UGT1A3: variants seen among roughly 807,000 people sequenced by gnomAD.
UGT1A3 encodes the protein UDP-glucuronosyltransferase 1A3.
UGT1A3 carries 31 observed loss-of-function variants against 41.0 expected under a neutral mutation model. The ratio of observed to expected loss-of-function variants is 0.76; its 90% confidence interval spans 0.57 to 1.02. UGT1A3 has a LOEUF of 1.02. Among genes scored for constraint, UGT1A3 ranks in the 50% least tolerant of loss-of-function variants. UGT1A3 has a pLI of 0.00. For synonymous variants in UGT1A3, 262 were observed against 257.6 expected (o/e 1.02, Z -0.17); for missense variants, 737 against 671.0 (o/e 1.10, Z -1.09).
chr2:233,747,565 A>G, intron 1 of UGT1A3: 1 of 1,593,778 alleles, frequency 6.3e-7, no homozygotes, highest in Non-Finnish European at 8.6e-7. Flanking sequence ...GCAATTTTGA[A>G]AAATTCATCT....
intron 1 of UGT1A3, among the ~76,000 whole-genome samples, chr2:233,742,284 C>G (rs1006206335): frequency 6.6e-6 from 1 of 151,974 alleles, no homozygotes. Context: ...AGCATCATTT[C>G]TATAGATTAT....
intron 4 of UGT1A3, among the ~76,000 whole-genome samples, 167 bp from the exon 5 acceptor site, chr2:233,772,095 A>T (rs35172078): frequency 0.012 from 1,767 of 152,322 alleles, 16 homozygotes; most frequent in Middle Eastern, 0.031. Context: ...CCCGGGCAAC[A>T]GGGCAAGACT....
Position 233,772,356 on chromosome 2 carries a change from A to G in UGT1A3, c.1402A>G (p.Arg468Gly). Reference protein sequence around the residue: ...LAVFWVEFVMRHKGAPHLRPA... With the variant: ...LAVFWVEFVMGHKGAPHLRPA... ...CGTGTTCTGGGTGGAGTTTGTGATG[A>G]GGCACAAGGGCGCGCCACACCTGCG... The change falls in exon 5 of 5, where the codon AGG (arginine) becomes GGG (glycine). Residue 468 changes from arginine to glycine, a missense_variant. Transcript: ENST00000482026. 6.2e-7 allele frequency: 1 copy of G among 1,614,222 alleles called. No individual in the cohort carries two copies. The highest frequency in any genetic ancestry group is 1.6e-4 in the Middle Eastern group (1 of 6,062).
At chr2:233,757,625 G>T (rs550855781) in intron 1 of UGT1A3, among the ~76,000 whole-genome samples, 1 of 148,046 alleles carries the variant, frequency 6.8e-6, no homozygotes, top group East Asian at 2.0e-4. Context: ...AAAGATACAA[G>T]GCAGAACAGA....
At chr2:233,747,816 T>A in intron 1 of UGT1A3, 1 of 1,613,472 alleles carries the variant, frequency 6.2e-7, no homozygotes, top group Non-Finnish European at 8.5e-7. Flanking sequence ...AACGACCAAT[T>A]CAGACCACAT....
At chr2:233,742,781 C>A (rs550270409) in intron 1 of UGT1A3, 1 of 153,010 alleles carries the variant, frequency 6.5e-6, no homozygotes, top group African/African-American at 2.4e-5. Context: ...TTGTTTTGAA[C>A]CATCATTAAA....
Position 233,746,417 on chromosome 2 carries a change from CT to C in UGT1A3, c.867+16425del, listed in dbSNP as rs747591279. 3.3e-5 allele frequency among the ~76,000 whole-genome samples: 5 copies of C among 151,706 alleles called. No homozygotes were observed. The South Asian group carries it at 1.0e-3, about 32-fold the overall frequency. ...AGCTGGGAGTGTGTCCAATGGTGAC[CT>C]ATTAACTTATGTCTTCAGCTTAAAA... On this transcript the variant is annotated intron_variant, in intron 1 of 4. Transcript: ENST00000482026.
At chr2:233,761,914 T>C (rs28900396) in intron 1 of UGT1A3, among the ~76,000 whole-genome samples, 9,111 of 152,302 alleles carry the variant, frequency 0.06, 854 homozygotes, top group African/African-American at 0.21. Flanking sequence ...GAGGATCTAC[T>C]GGCAGCCCAG....
intron 1 of UGT1A3, chr2:233,761,180 C>A (rs374898247): frequency 6.2e-7 from 1 of 1,614,128 alleles, no homozygotes; most frequent in East Asian, 2.2e-5. Context: ...CTTTTACATG[C>A]GTATATTCTT....
chr2:233,747,127 T>C, intron 1 of UGT1A3: 1 of 1,513,692 alleles, frequency 6.6e-7, no homozygotes, highest in South Asian at 1.2e-5. Context: ...GCTAAGTGGC[T>C]CAGTGACAAG....
At chr2:233,747,897 G>T in intron 1 of UGT1A3, 2 of 1,613,482 alleles carry the variant, frequency 1.2e-6, no homozygotes, top group Non-Finnish European at 1.7e-6. Flanking sequence ...TGCTCTTTCT[G>T]CTCCTTATGC....
In UGT1A3 at chr2:233,729,944, T is replaced by C; in HGVS notation, c.818T>C (p.Met273Thr). Residue 273 changes from methionine to threonine, a missense_variant, in exon 1 of 5, where the codon ATG becomes ACG. Coordinates refer to ENST00000482026, the MANE Select transcript of UGT1A3 (RefSeq NM_019093.4). The part of the protein sequence containing the change: ...MDYPRPIMPN[M>T]VFIGGINCAN... ...TACCCCAGGCCAATCATGCCCAACA[T>C]GGTCTTCATTGGGGGCATCAACTGT... 6 of 1,614,066 alleles carry C rather than the reference T, an allele frequency of 3.7e-6. No individual in the cohort carries two copies. Among genetic ancestry groups the C allele is most frequent in the Non-Finnish European group, 5.1e-6 (6 of 1,179,938 alleles).
intron 1 of UGT1A3, among the ~76,000 whole-genome samples, chr2:233,740,381 G>T (rs771907288): frequency 6.6e-6 from 1 of 151,918 alleles, no homozygotes; most frequent in Non-Finnish European, 1.5e-5. Flanking sequence ...GTAAGTTGTT[G>T]TGTGAATTAT....
In UGT1A3 at chr2:233,747,728, T is replaced by C. The variant is rs1488461574; in HGVS notation, c.867+17735T>C. 2.5e-6 allele frequency: 4 copies of C among 1,613,386 alleles called. No homozygotes were observed. In the African/African-American group the frequency reaches 4.0e-5, roughly 16 times the overall value. Reference sequence around the variant, plus strand: ...ACCTATCAATTCCTGCTGTGTTTTTTTTGAGGAACATTCCATGTGATTTAG... The same window carrying C: ...ACCTATCAATTCCTGCTGTGTTTTTCTTGAGGAACATTCCATGTGATTTAG... On this transcript the variant is annotated intron_variant, in intron 1 of 4. Coordinates refer to ENST00000482026, the MANE Select transcript of UGT1A3 (RefSeq NM_019093.4).
At chr2:233,732,692 C>T (rs1425902853) in intron 1 of UGT1A3, among the ~76,000 whole-genome samples, 1 of 150,324 alleles carries the variant, frequency 6.7e-6, no homozygotes, top group Non-Finnish European at 1.5e-5. Context: ...AGCACCCATG[C>T]TGTTTTGTTA....
intron 1 of UGT1A3, among the ~76,000 whole-genome samples, chr2:233,738,200 C>A (rs1199969775): frequency 6.6e-6 from 1 of 152,170 alleles, no homozygotes; most frequent in Non-Finnish European, 1.5e-5. Context: ...CTCTCTCTCA[C>A]TTTCTGCCAG....
intron 2 of UGT1A3, 116 bp downstream of exon 2, chr2:233,767,281 C>T: frequency 6.4e-7 from 1 of 1,571,624 alleles, no homozygotes; most frequent in Non-Finnish European, 8.6e-7. Flanking sequence ...TTTTCCCTGC[C>T]ACTTCCCAAC....
At chr2:233,755,363 G>T (rs907026349) in intron 1 of UGT1A3, 4 of 363,278 alleles carry the variant, frequency 1.1e-5, no homozygotes. Flanking sequence ...GACCTGGGCC[G>T]CCTGGAGGGC....
intron 1 of UGT1A3, among the ~76,000 whole-genome samples, chr2:233,744,422 T>C (rs2125863019): frequency 6.6e-6 from 1 of 151,974 alleles, no homozygotes; most frequent in Non-Finnish European, 1.5e-5. Flanking sequence ...TTCATGTGGA[T>C]TATATCTATC....
Sources: gnomAD v4.1 joint callset for allele counts (sites outside exome capture counted in the v4.1 genomes callset) on GRCh38, gnomAD v4.1.1 for gene constraint, MANE v1.5 for transcripts, NCBI Gene and HGNC (gene_info 2026-07-23, HGNC 2026-07-21) for gene names.